The following HCRTR2 variants were observed in gnomAD, a reference collection of about 807,000 sequenced individuals.
HCRTR2 encodes orexin receptor type 2.
HCRTR2 carries 22 observed loss-of-function variants against 49.0 expected under a neutral mutation model. The observed-to-expected ratio is 0.45, with a 90% confidence interval of 0.32 to 0.64. The LOEUF is 0.64. Ranked by LOEUF, HCRTR2 falls within the 30% of genes least tolerant of loss-of-function variation. The pLI is 0.04. For synonymous variants in HCRTR2, 236 were observed against 205.3 expected (o/e 1.15, Z -1.28); for missense variants, 491 against 559.4 (o/e 0.88, Z 1.23).
intron 3 of HCRTR2, among the ~76,000 whole-genome samples, chr6:55,263,329 T>C (rs1213848719): frequency 6.6e-6 from 1 of 152,136 alleles, no homozygotes; most frequent in Non-Finnish European, 1.5e-5. Context: ...CATTGATTCA[T>C]GTCCCTTTTT....
intron 1 of HCRTR2, among the ~76,000 whole-genome samples, chr6:55,132,115 A>G (rs1421962293): frequency 6.6e-6 from 1 of 151,878 alleles, no homozygotes; most frequent in Non-Finnish European, 1.5e-5. Context: ...TCTTTGAATA[A>G]CACTTTAATT....
At chr6:55,274,217 C>A (rs1767029552) in intron 4 of HCRTR2, among the ~76,000 whole-genome samples, 1 of 118,108 alleles carries the variant, frequency 8.5e-6, no homozygotes, top group African/African-American at 3.1e-5. Flanking sequence ...TATTATCTCT[C>A]TGCAATGTTT....
At position 55,174,584 on chromosome 6, in the gene HCRTR2, C is replaced by T; in HGVS notation, c.-4C>T. 6.2e-6 allele frequency: 10 copies of T among 1,612,392 alleles called. No individual in the cohort carries two copies. Among genetic ancestry groups the T allele is most frequent in the Non-Finnish European group, 8.5e-6 (10 of 1,178,552 alleles). ...CATTGAGCGGAACCGGACTTGAGCC[C>T]GTGATGTCCGGCACCAAATTGGAGG... On this transcript the variant is annotated 5_prime_UTR_variant, in exon 1 of 7. Transcript: ENST00000370862.
intron 1 of HCRTR2, among the ~76,000 whole-genome samples, chr6:55,129,611 G>A (rs1337646780): frequency 6.6e-6 from 1 of 151,966 alleles, no homozygotes; most frequent in Non-Finnish European, 1.5e-5. Flanking sequence ...ACAATATCAT[G>A]TTCCATAAAT....
intron 1 of HCRTR2, among the ~76,000 whole-genome samples, chr6:55,141,455 A>G (rs7766546): frequency 0.53 from 79,999 of 152,080 alleles, 21,900 homozygotes; most frequent in Non-Finnish European, 0.59. Context: ...TTACAAAGTG[A>G]AGTTAGAAGA....
At chr6:55,171,784 G>A (rs1344422500), upstream of HCRTR2, among the ~76,000 whole-genome samples, 1 of 152,144 alleles carries the variant, frequency 6.6e-6, no homozygotes, top group Non-Finnish European at 1.5e-5. Context: ...ATGATTAATT[G>A]TAGGTGGAAG....
At chr6:55,244,475 A>G (rs1047973479) in intron 1 of HCRTR2, among the ~76,000 whole-genome samples, 1 of 152,046 alleles carries the variant, frequency 6.6e-6, no homozygotes, top group African/African-American at 2.4e-5. Context: ...CAATAGGAAT[A>G]GAAAGAATAT....
At chr6:55,187,682 CTTTTTTTTTTT>C (rs5876430) in intron 1 of HCRTR2, among the ~76,000 whole-genome samples, 1 of 102,244 alleles carries the variant, frequency 9.8e-6, no homozygotes, top group Non-Finnish European at 1.8e-5. Context: ...ATTATTTGAT[CTTTTTTTTTTT>C]TTTTTTTTTT....
At chr6:55,133,713 C>A (rs1413327601) in intron 1 of HCRTR2, among the ~76,000 whole-genome samples, 1 of 151,514 alleles carries the variant, frequency 6.6e-6, no homozygotes, top group Non-Finnish European at 1.5e-5. Flanking sequence ...ATATCTCCAT[C>A]TAGGCATGTT....
chr6:55,107,321 G>A lies in HCRTR2; in HGVS notation c.-378+776G>A, dbSNP rs117720349. Among the ~76,000 whole-genome samples, 110 of 152,014 alleles carry A rather than the reference G, an allele frequency of 7.2e-4. No individual in the cohort carries two copies. In the East Asian group the frequency reaches 0.018, roughly 24 times the overall value. ...AGTCTTCTTCCTACTCTGACTTCTT[G>A]CCTCCCAGTTCTTTGCTCCCCAAAG... is the stretch of plus-strand genomic sequence containing the variant. On this transcript the variant is annotated intron_variant, in intron 1 of 7. Transcript: ENST00000615358.
chr6:55,181,671 A>G (rs1765136739), intron 1 of HCRTR2, among the ~76,000 whole-genome samples: 1 of 152,208 alleles, frequency 6.6e-6, no homozygotes, highest in Non-Finnish European at 1.5e-5. Flanking sequence ...GTGATTTAAA[A>G]TCACTGTGGA....
intron 2 of HCRTR2, among the ~76,000 whole-genome samples, chr6:55,249,135 G>A (rs568763614): frequency 2.4e-4 from 37 of 151,970 alleles, no homozygotes; most frequent in South Asian, 6.2e-4. Flanking sequence ...TTGATTTTGC[G>A]CAAACTTTTT....
intron 1 of HCRTR2, among the ~76,000 whole-genome samples, chr6:55,213,988 A>G (rs1765741820): frequency 1.3e-5 from 2 of 152,078 alleles, no homozygotes; most frequent in African/African-American, 4.8e-5. Context: ...CCAAAAAAAA[A>G]AAAAATGAGT....
intron 1 of HCRTR2, among the ~76,000 whole-genome samples, chr6:55,202,822 G>A (rs1765534558): frequency 1.3e-5 from 2 of 152,096 alleles, no homozygotes; most frequent in African/African-American, 2.4e-5. Flanking sequence ...GGAGCTGCCT[G>A]TGGAAACACT....
intron 1 of HCRTR2, among the ~76,000 whole-genome samples, chr6:55,230,548 C>T (rs972975040): frequency 2.0e-5 from 3 of 152,158 alleles, no homozygotes; most frequent in Admixed American, 6.5e-5. Flanking sequence ...TACATCAAGA[C>T]ATTTTTCACT....
intron 6 of HCRTR2, among the ~76,000 whole-genome samples, chr6:55,280,702 AAC>A (rs1289172962): frequency 7.2e-5 from 11 of 152,220 alleles, no homozygotes; most frequent in Non-Finnish European, 1.5e-4. Flanking sequence ...AGAAATCAAT[AAC>A]ACAAAATCTT....
intron 1 of HCRTR2, among the ~76,000 whole-genome samples, chr6:55,166,406 T>G (rs927456859): frequency 2.1e-5 from 3 of 146,326 alleles, no homozygotes; most frequent in Non-Finnish European, 3.0e-5. Flanking sequence ...GAATTGTTAG[T>G]TTTTTTTTTT....
chr6:55,199,056 C>A (rs759656871), intron 1 of HCRTR2, among the ~76,000 whole-genome samples: 2 of 152,122 alleles, frequency 1.3e-5, no homozygotes, highest in Non-Finnish European at 2.9e-5. Flanking sequence ...GGGATTACTG[C>A]AACTGGGTAC....
chr6:55,217,930 C>T (rs767366175), intron 1 of HCRTR2, among the ~76,000 whole-genome samples: 9 of 152,110 alleles, frequency 5.9e-5, no homozygotes, highest in Non-Finnish European at 1.2e-4. Flanking sequence ...GAGACAAAAC[C>T]AATGGGATAT....
Sources: gnomAD v4.1 joint callset for allele counts (sites outside exome capture counted in the v4.1 genomes callset) on GRCh38, gnomAD v4.1.1 for gene constraint, MANE v1.5 for transcripts, NCBI Gene and HGNC (gene_info 2026-07-23, HGNC 2026-07-21) for gene names.